The following VHLL variants were observed in gnomAD, a reference collection of about 807,000 sequenced individuals.
VHLL encodes the protein VHL like.
Under a neutral mutation model 3.5 loss-of-function variants are expected in VHLL, and 4 were observed. That is an observed-to-expected ratio of 1.13 (90% CI 0.56 to 2.59). VHLL has a LOEUF of 2.59. Among genes scored for constraint, VHLL ranks in the 30% most tolerant of loss-of-function variants. The pLI, the probability that VHLL is intolerant of heterozygous loss-of-function variation, is 0.02. For synonymous variants in VHLL, 77 were observed against 76.0 expected (o/e 1.01, Z -0.07); for missense variants, 155 against 178.2 (o/e 0.87, Z 0.74).
Position 156,299,282 on chromosome 1 carries a change from AAT to A in VHLL, c.-95_-94del. On this transcript the variant is annotated 5_prime_UTR_variant, in exon 1 of 1. Coordinates refer to ENST00000339922, the MANE Select transcript of VHLL (RefSeq NM_001004319.3). ...CGGATTTCGGCAAGAGTTACAATGG[AAT>A]CAGAAAGGCTGGGAGTATATAACCC... The A allele has an allele frequency of 6.8e-7, 1 of 1,468,252 alleles. No homozygotes were observed. The highest frequency in any genetic ancestry group is 2.3e-5 in the East Asian group (1 of 43,550). 91.0% of individuals were successfully genotyped at this position (1,468,252 alleles called of 1,614,324 possible).
chr1:156,299,037 G>C lies in VHLL; in HGVS notation c.153C>G (p.Arg51=), dbSNP rs531542026. 1 of 1,613,040 alleles carries C rather than the reference G, an allele frequency of 6.2e-7. No homozygotes were observed. The highest frequency in any genetic ancestry group is 1.1e-5 in the South Asian group (1 of 91,072). ...TGCAGATGATGATCCGGGAGAGCTC[G>C]CGTGAGTTCACAGAGCGCAGCACAG... is the stretch of plus-strand genomic sequence containing the variant. ...AWPVLRSVNS[R]ELSRIIICNH... is the part of the protein sequence containing the mutation. Residue 51 remains arginine, a synonymous_variant, in exon 1 of 1, where the codon CGC becomes CGG. Coordinates refer to ENST00000339922, the MANE Select transcript of VHLL (RefSeq NM_001004319.3).
In VHLL at chr1:156,299,095, G is replaced by A. The variant is rs1250517007; in HGVS notation, c.95C>T (p.Ala32Val). 2.5e-6 allele frequency: 4 copies of A among 1,613,210 alleles called. No homozygotes were observed. The highest frequency in any genetic ancestry group is 2.2e-5 in the East Asian group (1 of 44,886). ...PEEYCQEELGAEEEMAARAAW... is the reference protein window; with the variant it reads ...PEEYCQEELGVEEEMAARAAW... ...TGCTCTGGCTGCCATCTCCTCCTCG[G>A]CGCCCAACTCTTCCTGGCAGTACTC... The change falls in exon 1 of 1, where the codon GCC becomes GTC. Residue 32 changes from alanine (A) to valine (V), a missense_variant. Transcript: ENST00000339922.
chr1:156,298,687 G>C lies in VHLL; in HGVS notation c.*83C>G. The stretch of plus-strand genomic sequence containing the variant: ...TCACATTTGGATGATCTTCCAGATC[G>C]TCATAGAGTGATCTGACGATGTCCA... On this transcript the variant is annotated 3_prime_UTR_variant, in exon 1 of 1. Transcript: ENST00000339922. The C allele has an allele frequency of 2.1e-6, 3 of 1,455,136 alleles. No homozygotes were observed. The South Asian group carries it at 3.8e-5, about 19-fold the overall frequency. 90.1% of individuals were successfully genotyped at this position (1,455,136 alleles called of 1,614,324 possible).
Position 156,298,994 on chromosome 1 carries a change from C to A in VHLL, c.196G>T (p.Val66Leu). The change falls in exon 1 of 1, where the codon GTG (valine) becomes TTG (leucine). Residue 66 changes from valine (V) to leucine (L), a missense_variant. Val to Leu is a conservative substitution (Grantham distance 32, BLOSUM62 1). Transcript: ENST00000339922. Reference sequence around the variant, plus strand: ...TAGTAGTTGAGCCACACAGGCAGCACGATTCGTGGGCTGTGATTGCAGATG... The same window carrying A: ...TAGTAGTTGAGCCACACAGGCAGCAAGATTCGTGGGCTGTGATTGCAGATG... ...IIICNHSPRI[V>L]LPVWLNYYGK... is the part of the protein sequence containing the mutation. 1 of 1,613,710 alleles carries A rather than the reference C, an allele frequency of 6.2e-7. No individual in the cohort carries two copies. Among genetic ancestry groups the A allele is most frequent in the South Asian group, 1.1e-5 (1 of 91,080 alleles).
Sources: gnomAD v4.1 joint callset for allele counts on GRCh38, gnomAD v4.1.1 for gene constraint, MANE v1.5 for transcripts, NCBI Gene and HGNC (gene_info 2026-07-23, HGNC 2026-07-21) for gene names.